Variants in NKAIN3 observed in about 807,000 individuals in gnomAD.
The protein encoded by NKAIN3 is sodium/potassium-transporting ATPase subunit beta-1-interacting protein 3.
NKAIN3 carries 25 observed loss-of-function variants against 30.2 expected under a neutral mutation model. The ratio of observed to expected loss-of-function variants is 0.83; its 90% CI spans 0.60 to 1.16. NKAIN3 has a LOEUF of 1.16. Ranked by LOEUF, NKAIN3 falls within the 50% of genes most tolerant of loss-of-function variation. NKAIN3 has a pLI of 0.00. For missense variants in NKAIN3, 225 were observed against 254.1 expected (o/e 0.89, Z 0.78); for synonymous variants, 91 against 89.6 (o/e 1.02, Z -0.09).
intron 1 of NKAIN3, among the ~76,000 whole-genome samples, chr8:62,340,847 G>C (rs988524304): frequency 2.0e-5 from 3 of 152,020 alleles, no homozygotes; most frequent in Non-Finnish European, 4.4e-5. Flanking sequence ...TTGAGGCATT[G>C]TCAGGAAGAG....
chr8:62,625,517 T>A (rs1811762836), intron 3 of NKAIN3, among the ~76,000 whole-genome samples: 1 of 152,136 alleles, frequency 6.6e-6, no homozygotes, highest in Non-Finnish European at 1.5e-5. Context: ...TTGTCTCCAC[T>A]ACTTACCAAG....
Position 62,248,948 on chromosome 8 carries a change from G to A in NKAIN3, c.-126G>A. On this transcript the variant is annotated 5_prime_UTR_variant, in exon 1 of 7. Coordinates refer to ENST00000623646, the MANE Select transcript of NKAIN3 (RefSeq NM_001304533.3). ...CGCGAGCCCCGAGCCCTGGAGCCGC[G>A]AGCGGCGGCCGCGGGGCCGAGGAGC... 1.2e-6 allele frequency: 1 copy of A among 832,226 alleles called. No individual in the cohort carries two copies. Among genetic ancestry groups the A allele is most frequent in the South Asian group, 1.9e-5 (1 of 53,458 alleles). 51.6% of individuals were successfully genotyped at this position (832,226 alleles called of 1,614,324 possible).
chr8:62,366,117 T>C (rs1816728874), intron 1 of NKAIN3, among the ~76,000 whole-genome samples: 1 of 152,190 alleles, frequency 6.6e-6, no homozygotes, highest in Non-Finnish European at 1.5e-5. Flanking sequence ...CTGTTCCTAA[T>C]TTAGTCTCAG....
intron 1 of NKAIN3, among the ~76,000 whole-genome samples, chr8:62,418,188 T>C (rs1299114841): frequency 6.6e-6 from 1 of 151,918 alleles, no homozygotes; most frequent in Non-Finnish European, 1.5e-5. Context: ...CACCCATAAG[T>C]GGGGAGTAAA....
At chr8:62,701,811 C>G (rs1380733265) in intron 3 of NKAIN3, among the ~76,000 whole-genome samples, 1 of 152,180 alleles carries the variant, frequency 6.6e-6, no homozygotes, top group African/African-American at 2.4e-5. Flanking sequence ...GATTTCACCT[C>G]TTATTTGAAG....
intron 4 of NKAIN3, among the ~76,000 whole-genome samples, chr8:62,812,655 G>A (rs1222759306): frequency 6.6e-6 from 1 of 151,374 alleles, no homozygotes; most frequent in African/African-American, 2.4e-5. Context: ...TATGTCATCT[G>A]CAAATAGAAA....
At chr8:62,931,131 T>C (rs1400893799) in intron 5 of NKAIN3, among the ~76,000 whole-genome samples, 2 of 152,224 alleles carry the variant, frequency 1.3e-5, no homozygotes, top group African/African-American at 4.8e-5. Context: ...TTTTTGGAAG[T>C]CCTTCATATA....
intron 4 of NKAIN3, among the ~76,000 whole-genome samples, chr8:62,869,090 C>T (rs1229508453): frequency 6.6e-6 from 1 of 152,058 alleles, no homozygotes; most frequent in Non-Finnish European, 1.5e-5. Context: ...GAAATGACCT[C>T]GGCAAAGAAT....
chr8:62,775,240 A>T (rs1244816333), intron 4 of NKAIN3, among the ~76,000 whole-genome samples: 1 of 152,024 alleles, frequency 6.6e-6, no homozygotes, highest in Non-Finnish European at 1.5e-5. Flanking sequence ...CTGTAGTATC[A>T]GTTATAATGT....
intron 4 of NKAIN3, among the ~76,000 whole-genome samples, chr8:62,897,431 A>T (rs1230815217): frequency 1.3e-5 from 2 of 152,154 alleles, no homozygotes; most frequent in Admixed American, 1.3e-4. Context: ...CTGATTTGCC[A>T]AGACTGGTTT....
chr8:62,536,934 C>G (rs1808683003), intron 1 of NKAIN3, among the ~76,000 whole-genome samples: 1 of 152,100 alleles, frequency 6.6e-6, no homozygotes, highest in African/African-American at 2.4e-5. Context: ...CTGAGAACCT[C>G]TGCTCTCCCA....
chr8:62,768,013 A>G (rs1816897296), intron 4 of NKAIN3, among the ~76,000 whole-genome samples: 1 of 152,184 alleles, frequency 6.6e-6, no homozygotes, highest in African/African-American at 2.4e-5. Context: ...TCAAAATCAT[A>G]TATGCAACTC....
intron 6 of NKAIN3, among the ~76,000 whole-genome samples, chr8:62,958,635 C>T (rs1230516242): frequency 6.6e-6 from 1 of 152,128 alleles, no homozygotes; most frequent in Non-Finnish European, 1.5e-5. Context: ...AGATTTACCC[C>T]TCAGGAAGAA....
intron 3 of NKAIN3, among the ~76,000 whole-genome samples, chr8:62,628,414 A>G (rs780451799): frequency 1.3e-5 from 2 of 152,174 alleles, no homozygotes; most frequent in South Asian, 4.1e-4. Flanking sequence ...ACATTTTGTC[A>G]TCACCTGTAT....
chr8:62,669,279 G>A (rs956072437), intron 3 of NKAIN3, among the ~76,000 whole-genome samples: 28 of 152,134 alleles, frequency 1.8e-4, no homozygotes, highest in African/African-American at 6.3e-4. Flanking sequence ...ATTTCCATCT[G>A]AAGGCTTTTC....
intron 1 of NKAIN3, among the ~76,000 whole-genome samples, chr8:62,392,115 A>G (rs924977691): frequency 4.3e-4 from 65 of 152,160 alleles, no homozygotes; most frequent in African/African-American, 1.4e-3. Context: ...GAGCTGCCAA[A>G]TATTTAAACA....
intron 1 of NKAIN3, among the ~76,000 whole-genome samples, chr8:62,467,180 A>G (rs747667328): frequency 5.3e-5 from 8 of 152,126 alleles, no homozygotes; most frequent in Non-Finnish European, 1.2e-4. Context: ...TTCTGCCTAG[A>G]ATGTTGCTTC....
rs942791822 is a variant in NKAIN3 at position 62,976,007 on chromosome 8, T to C, written c.*10600T>C. 6.6e-6 allele frequency among the ~76,000 whole-genome samples: 1 copy of C among 152,164 alleles called. No individual in the cohort carries two copies. Among genetic ancestry groups the C allele is most frequent in the African/African-American group, 2.4e-5 (1 of 41,422 alleles). ...GTTGTGTGGTTTTGAGTGAGTTTCT[T>C]AATCCTGAGTTCTAACTTGATTGCA... On this transcript the variant is annotated 3_prime_UTR_variant, in exon 7 of 7. Transcript: ENST00000623646.
At chr8:62,768,566 G>A (rs1048171602) in intron 4 of NKAIN3, among the ~76,000 whole-genome samples, 2 of 152,128 alleles carry the variant, frequency 1.3e-5, no homozygotes, top group African/African-American at 4.8e-5. Context: ...CTTGCTCTGA[G>A]TTCTATCACG....
Sources: gnomAD v4.1 joint callset for allele counts (sites outside exome capture counted in the v4.1 genomes callset) on GRCh38, gnomAD v4.1.1 for gene constraint, MANE v1.5 for transcripts, NCBI Gene and HGNC (gene_info 2026-07-23, HGNC 2026-07-21) for gene names.